OR5AR1: variants seen among roughly 807,000 people sequenced by gnomAD.
OR5AR1 encodes the protein olfactory receptor family 5 subfamily AR member 1.
OR5AR1 carries 19 observed loss-of-function variants against 12.3 expected under a neutral mutation model. The observed-to-expected ratio is 1.55, with a 90% CI of 1.08 to 2.27. The LOEUF (loss-of-function observed/expected upper bound fraction) is 2.27, where lower values mean the gene tolerates loss of function less well. Among genes scored for constraint, OR5AR1 ranks in the 30% most tolerant of loss-of-function variants. OR5AR1 has a pLI of 0.00. For synonymous variants in OR5AR1, 156 were observed against 138.8 expected (o/e 1.12, Z -0.87); for missense variants, 432 against 378.4 (o/e 1.14, Z -1.18).
chr11:56,664,255 A>G lies in OR5AR1; in HGVS notation c.570A>G (p.Ser190=), dbSNP rs764279870. The G allele has an allele frequency of 2.0e-5, 33 of 1,614,080 alleles. 1 individual carries two copies. The South Asian group carries it at 3.5e-4, about 17-fold the overall frequency. ...CACCACTCTTGGCCCTCTCTTGCTC[A>G]GACACCTACATCAGTGAGATCTTGC... ...EIPPLLALSC[S]DTYISEILLF... is the part of the protein sequence containing the mutation. The change falls in exon 1 of 1, where the codon TCA becomes TCG. Residue 190 remains serine, a synonymous_variant. Coordinates refer to ENST00000624596, the MANE Select transcript of OR5AR1 (RefSeq NM_001004730.1).
rs1565037403 is a variant in OR5AR1 at position 56,664,206 on chromosome 11, T to A, written c.521T>A (p.Ile174Asn). The stretch of plus-strand genomic sequence containing the variant: ...CTGAGTTACTGTGGTTCCAATATCA[T>A]CAATCATTTCTTCTGCGAAATCCCA... ...FSLSYCGSNI[I>N]NHFFCEIPPL... Residue 174 changes from isoleucine (I) to asparagine (N), a missense_variant, in exon 1 of 1, where the codon ATC becomes AAC. Transcript: ENST00000624596. 2.5e-6 allele frequency: 4 copies of A among 1,614,080 alleles called. No individual in the cohort carries two copies. The highest frequency in any genetic ancestry group is 3.4e-6 in the Non-Finnish European group (4 of 1,180,016).
Position 56,663,872 on chromosome 11 carries a change from C to G in OR5AR1, c.187C>G (p.Leu63Val). 6.2e-7 allele frequency: 1 copy of G among 1,613,942 alleles called. No homozygotes were observed. The highest frequency in any genetic ancestry group is 1.1e-5 in the South Asian group (1 of 91,056). Residue 63 changes from leucine to valine, a missense_variant, in exon 1 of 1, where the codon CTC becomes GTC. Coordinates refer to ENST00000624596, the MANE Select transcript of OR5AR1 (RefSeq NM_001004730.1). ...GCTTCACACACCCATGTATTTTTTC[C>G]TCTGCAACCTCTCCTTTGTTGACCT... ...TQLHTPMYFF[L>V]CNLSFVDLGY...
rs755777245 is a variant in OR5AR1, at chr11:56,664,464, T to A, written c.779T>A (p.Leu260Gln). 1 of 1,614,152 alleles carries A rather than the reference T, an allele frequency of 6.2e-7. No homozygotes were observed. Among genetic ancestry groups the A allele is most frequent in the Admixed American group, 1.7e-5 (1 of 60,002 alleles). ...LFYGTVMFMY[L>Q]RPTSSYSLDQ... The stretch of plus-strand genomic sequence containing the variant: ...TATGGCACAGTCATGTTTATGTACC[T>A]GAGGCCAACATCCAGCTACTCCCTG... Residue 260 changes from leucine (L) to glutamine (Q), a missense_variant, in exon 1 of 1, where the codon CTG becomes CAG. Coordinates refer to ENST00000624596, the MANE Select transcript of OR5AR1 (RefSeq NM_001004730.1).
In OR5AR1 at chr11:56,664,562, C is replaced by T. The variant is rs114370009; in HGVS notation, c.877C>T (p.Arg293Trp). The change falls in exon 1 of 1, where the codon CGG becomes TGG. Residue 293 changes from arginine to tryptophan, a missense_variant. Coordinates refer to ENST00000624596, the MANE Select transcript of OR5AR1 (RefSeq NM_001004730.1). ...PMLNPLIYSL[R>W]NKDVKAAFKK... ...GTTAAATCCCTTGATCTACAGTTTG[C>T]GGAACAAGGATGTGAAAGCTGCTTT... The T allele has an allele frequency of 2.4e-4, 387 of 1,612,128 alleles. 1 individual carries two copies. In the African/African-American group the frequency reaches 3.7e-3, roughly 15 times the overall value.
At position 56,663,740 on chromosome 11, in the gene OR5AR1, C is replaced by T. The variant is rs11228710; in HGVS notation, c.55C>T (p.Gln19Ter). ...TGAGTTTATCTTCATGGGCATCACC[C>T]AGGACCCTCAGATGGAGATCATCTT... ...VTEFIFMGITQDPQMEIIFFV... is the reference protein window; with the variant it reads ...VTEFIFMGIT The change falls in exon 1 of 1, where the codon CAG (glutamine) becomes TAG (stop). Residue 19 changes from glutamine to a stop codon, truncating the protein, a stop_gained. Coordinates refer to ENST00000624596, the MANE Select transcript of OR5AR1 (RefSeq NM_001004730.1). LOFTEE classifies it high-confidence loss of function. 1,096,744 of 1,612,118 alleles carry T rather than the reference C, an allele frequency of 0.68. 379,432 individuals carry two copies. The highest frequency in any genetic ancestry group is 0.79 in the East Asian group (35,564 of 44,826).
chr11:56,663,999 T>G lies in OR5AR1; in HGVS notation c.314T>G (p.Val105Gly). ...SSCATQFAFF[V>G]GFVDAECYVL... The stretch of plus-strand genomic sequence containing the variant: ...TGTGCCACCCAGTTTGCTTTTTTTG[T>G]AGGTTTTGTGGATGCTGAGTGCTAT... The change falls in exon 1 of 1, where the codon GTA (valine) becomes GGA (glycine). Residue 105 changes from valine (V) to glycine (G), a missense_variant. By Grantham distance (109) the Val-to-Gly change is moderately radical (BLOSUM62 -3). Coordinates refer to ENST00000624596, the MANE Select transcript of OR5AR1 (RefSeq NM_001004730.1). The G allele has an allele frequency of 6.2e-7, 1 of 1,614,100 alleles. No individual in the cohort carries two copies.
In OR5AR1 at chr11:56,663,843, C is replaced by A. The variant is rs775279475; in HGVS notation, c.158C>A (p.Thr53Asn). 1.9e-6 allele frequency: 3 copies of A among 1,614,108 alleles called. No homozygotes were observed. Among genetic ancestry groups the A allele is most frequent in the African/African-American group, 1.3e-5 (1 of 75,028 alleles). ...IGMIILITTD[T>N]QLHTPMYFFL... The stretch of plus-strand genomic sequence containing the variant: ...ATGATTATCCTGATTACAACAGACA[C>A]TCAGCTTCACACACCCATGTATTTT... Residue 53 changes from threonine (T) to asparagine (N), a missense_variant, in exon 1 of 1, where the codon ACT becomes AAT. Physicochemically the swap from Thr to Asn is moderately conservative, Grantham distance 65. Coordinates refer to ENST00000624596, the MANE Select transcript of OR5AR1 (RefSeq NM_001004730.1).
In OR5AR1 at chr11:56,663,975, G is replaced by C; in HGVS notation, c.290G>C (p.Cys97Ser). ...TNHKVISFSS[C>S]ATQFAFFVGF... ...CACAAAGTTATCTCCTTCTCCAGCT[G>C]TGCCACCCAGTTTGCTTTTTTTGTA... The change falls in exon 1 of 1, where the codon TGT becomes TCT. Residue 97 changes from cysteine to serine, a missense_variant. Physicochemically the swap from Cys to Ser is moderately radical, Grantham distance 112. Coordinates refer to ENST00000624596, the MANE Select transcript of OR5AR1 (RefSeq NM_001004730.1). The C allele has an allele frequency of 6.2e-7, 1 of 1,614,050 alleles. No individual in the cohort carries two copies. Among genetic ancestry groups the C allele is most frequent in the Non-Finnish European group, 8.5e-7 (1 of 1,180,024 alleles).
chr11:56,663,793 G>C lies in OR5AR1; in HGVS notation c.108G>C (p.Leu36=). The change falls in exon 1 of 1, where the codon CTG becomes CTC. Residue 36 remains leucine, a synonymous_variant. Transcript: ENST00000624596. ...TCGTGGTCTTCCTCATAGTTTACCT[G>C]GTTAATGTAGTGGGGAATATTGGTA... ...IFFVVFLIVY[L]VNVVGNIGMI... is the part of the protein sequence containing the mutation. 1 of 1,613,356 alleles carries C rather than the reference G, an allele frequency of 6.2e-7. No individual in the cohort carries two copies. Among genetic ancestry groups the C allele is most frequent in the South Asian group, 1.1e-5 (1 of 91,064 alleles).
chr11:56,664,025 G>A lies in OR5AR1; in HGVS notation c.340G>A (p.Val114Ile). 1 of 1,613,936 alleles carries A rather than the reference G, an allele frequency of 6.2e-7. No homozygotes were observed. Reference sequence around the variant, plus strand: ...AGGTTTTGTGGATGCTGAGTGCTATGTCCTGGCAGCCATGGCCTATGGTCG... The same window carrying A: ...AGGTTTTGTGGATGCTGAGTGCTATATCCTGGCAGCCATGGCCTATGGTCG... ...FVGFVDAECY[V>I]LAAMAYGRFV... Residue 114 changes from valine to isoleucine, a missense_variant, in exon 1 of 1, where the codon GTC becomes ATC. Coordinates refer to ENST00000624596, the MANE Select transcript of OR5AR1 (RefSeq NM_001004730.1).
Position 56,664,116 on chromosome 11 carries a change from T to C in OR5AR1, c.431T>C (p.Leu144Pro). ...ATGTCCAAGCAGGTCTGCTTGGCTC[T>C]CATGCTGGGCTCTTACCTGGCTGGT... Reference protein sequence around the residue: ...TFMSKQVCLALMLGSYLAGLV... With the variant: ...TFMSKQVCLAPMLGSYLAGLV... Residue 144 changes from leucine to proline, a missense_variant, in exon 1 of 1, where the codon CTC becomes CCC. Leu to Pro is a moderately conservative substitution (Grantham distance 98). Transcript: ENST00000624596. 3 of 1,614,134 alleles carry C rather than the reference T, an allele frequency of 1.9e-6. No homozygotes were observed. Among genetic ancestry groups the C allele is most frequent in the Non-Finnish European group, 2.5e-6 (3 of 1,180,012 alleles).
rs1436485679 is a variant in OR5AR1, at chr11:56,664,457, A to G, written c.772A>G (p.Met258Val). The change falls in exon 1 of 1, where the codon ATG becomes GTG. Residue 258 changes from methionine (M) to valine (V), a missense_variant. Physicochemically the swap from Met to Val is conservative, Grantham distance 21 (BLOSUM62 1). Transcript: ENST00000624596. Reference protein sequence around the residue: ...ITLFYGTVMFMYLRPTSSYSL... With the variant: ...ITLFYGTVMFVYLRPTSSYSL... ...CCTCTTCTATGGCACAGTCATGTTT[A>G]TGTACCTGAGGCCAACATCCAGCTA... The G allele has an allele frequency of 6.2e-7, 1 of 1,614,100 alleles. No individual in the cohort carries two copies. The highest frequency in any genetic ancestry group is 1.1e-5 in the South Asian group (1 of 91,082).
In OR5AR1 at chr11:56,663,816, G is replaced by T; in HGVS notation, c.131G>T (p.Gly44Val). Residue 44 changes from glycine (G) to valine (V), a missense_variant, in exon 1 of 1, where the codon GGT becomes GTT. Gly to Val is a moderately radical substitution (Grantham distance 109, BLOSUM62 -3). Coordinates refer to ENST00000624596, the MANE Select transcript of OR5AR1 (RefSeq NM_001004730.1). ...CTGGTTAATGTAGTGGGGAATATTG[G>T]TATGATTATCCTGATTACAACAGAC... is the stretch of plus-strand genomic sequence containing the variant. Reference protein sequence around the residue: ...VYLVNVVGNIGMIILITTDTQ... With the variant: ...VYLVNVVGNIVMIILITTDTQ... 1 of 1,613,820 alleles carries T rather than the reference G, an allele frequency of 6.2e-7. No homozygotes were observed. The highest frequency in any genetic ancestry group is 8.5e-7 in the Non-Finnish European group (1 of 1,179,820).
rs752102322 is a variant in OR5AR1, at chr11:56,664,222, C to T, written c.537C>T (p.Cys179=). The T allele has an allele frequency of 7.4e-6, 12 of 1,613,960 alleles. No individual in the cohort carries two copies. Among genetic ancestry groups the T allele is most frequent in the South Asian group, 5.5e-5 (5 of 91,084 alleles). ...CCAATATCATCAATCATTTCTTCTG[C>T]GAAATCCCACCACTCTTGGCCCTCT... is the stretch of plus-strand genomic sequence containing the variant. The part of the protein sequence containing the change: ...CGSNIINHFF[C]EIPPLLALSC... Residue 179 remains cysteine (C), a synonymous_variant, in exon 1 of 1, where the codon TGC becomes TGT. Coordinates refer to ENST00000624596, the MANE Select transcript of OR5AR1 (RefSeq NM_001004730.1).
At position 56,664,506 on chromosome 11, in the gene OR5AR1, C is replaced by T. The variant is rs747498545; in HGVS notation, c.821C>T (p.Ala274Val). 3 of 1,613,920 alleles carry T rather than the reference C, an allele frequency of 1.9e-6. No homozygotes were observed. The highest frequency in any genetic ancestry group is 2.5e-6 in the Non-Finnish European group (3 of 1,179,858). The change falls in exon 1 of 1, where the codon GCC (alanine) becomes GTC (valine). Residue 274 changes from alanine to valine, a missense_variant. By Grantham distance (64) the Ala-to-Val change is moderately conservative. Coordinates refer to ENST00000624596, the MANE Select transcript of OR5AR1 (RefSeq NM_001004730.1). Reference protein sequence around the residue: ...SSYSLDQDKWASVFYTVIIPM... With the variant: ...SSYSLDQDKWVSVFYTVIIPM... The stretch of plus-strand genomic sequence containing the variant: ...TACTCCCTGGACCAAGACAAGTGGG[C>T]CTCTGTGTTCTACACGGTTATCATC...
chr11:56,663,707 AT>A lies in OR5AR1; in HGVS notation c.23del (p.Met8ArgfsTer2), dbSNP rs1857207464. 6.2e-7 allele frequency: 1 copy of A among 1,611,186 alleles called. No homozygotes were observed. Among genetic ancestry groups the A allele is most frequent in the African/African-American group, 1.3e-5 (1 of 75,010 alleles). MDKENSS[M>X]VTEFIFMGIT... ...AGCAATGGATAAAGAAAACAGCTCAATGGTGACTGAGTTTATCTTCATGGGC... is the reference window on the plus strand; with the variant it reads ...AGCAATGGATAAAGAAAACAGCTCAAGGTGACTGAGTTTATCTTCATGGGC... On this transcript the variant is annotated frameshift_variant, in exon 1 of 1. Transcript: ENST00000624596. LOFTEE classifies it high-confidence loss of function.
At position 56,663,950 on chromosome 11, in the gene OR5AR1, C is replaced by A; in HGVS notation, c.265C>A (p.His89Asn). The change falls in exon 1 of 1, where the codon CAC (histidine) becomes AAC (asparagine). Residue 89 changes from histidine to asparagine, a missense_variant. Transcript: ENST00000624596. The stretch of plus-strand genomic sequence containing the variant: ...GATGCTGGCTGACTTCCTAACAAAT[C>A]ACAAAGTTATCTCCTTCTCCAGCTG... ...PRMLADFLTN[H>N]KVISFSSCAT... The A allele has an allele frequency of 6.2e-7, 1 of 1,614,094 alleles. No homozygotes were observed. Among genetic ancestry groups the A allele is most frequent in the Non-Finnish European group, 8.5e-7 (1 of 1,180,016 alleles).
chr11:56,664,252 C>T lies in OR5AR1; in HGVS notation c.567C>T (p.Cys189=). Residue 189 remains cysteine, a synonymous_variant, in exon 1 of 1, where the codon TGC becomes TGT. Coordinates refer to ENST00000624596, the MANE Select transcript of OR5AR1 (RefSeq NM_001004730.1). ...CEIPPLLALS[C]SDTYISEILL... ...TCCCACCACTCTTGGCCCTCTCTTG[C>T]TCAGACACCTACATCAGTGAGATCT... 1 of 1,614,084 alleles carries T rather than the reference C, an allele frequency of 6.2e-7. No individual in the cohort carries two copies. Among genetic ancestry groups the T allele is most frequent in the Non-Finnish European group, 8.5e-7 (1 of 1,179,970 alleles).
chr11:56,664,003 T>A lies in OR5AR1; in HGVS notation c.318T>A (p.Gly106=), dbSNP rs1012426102. The A allele has an allele frequency of 6.2e-7, 1 of 1,613,832 alleles. No homozygotes were observed. The highest frequency in any genetic ancestry group is 8.5e-7 in the Non-Finnish European group (1 of 1,179,998). Residue 106 remains glycine (G), a synonymous_variant, in exon 1 of 1, where the codon GGT becomes GGA. Transcript: ENST00000624596. ...CCACCCAGTTTGCTTTTTTTGTAGG[T>A]TTTGTGGATGCTGAGTGCTATGTCC... ...SCATQFAFFV[G]FVDAECYVLA...
Sources: gnomAD v4.1 joint callset for allele counts on GRCh38, gnomAD v4.1.1 for gene constraint, MANE v1.5 for transcripts, NCBI Gene and HGNC (gene_info 2026-07-23, HGNC 2026-07-21) for gene names.